The following CCT6A variants were observed in gnomAD, a reference collection of about 807,000 sequenced individuals.
CCT6A encodes T-complex protein 1 subunit zeta.
CCT6A carries 6 observed loss-of-function variants against 58.6 expected under a neutral mutation model. The ratio of observed to expected loss-of-function variants is 0.10; its 90% CI spans 0.06 to 0.20. CCT6A has a LOEUF of 0.20. Ranked by LOEUF, CCT6A falls within the 10% of genes least tolerant of loss-of-function variation. CCT6A has a pLI of 1.00. For synonymous variants in CCT6A, 245 were observed against 227.8 expected (o/e 1.08, Z -0.68); for missense variants, 516 against 648.8 (o/e 0.80, Z 2.22).
Position 56,054,361 on chromosome 7 carries a change from A to G in CCT6A, c.202-8A>G. On this transcript the variant is annotated splice_polypyrimidine_tract_variant and splice_region_variant and intron_variant, in intron 2 of 13. Transcript: ENST00000275603. Reference sequence around the variant, plus strand: ...GTTTTAAGTGATTCATTCTTTTTCTACTTACAGCAAATTCAACACCCAACA... The same window carrying G: ...GTTTTAAGTGATTCATTCTTTTTCTGCTTACAGCAAATTCAACACCCAACA... 4 of 1,595,664 alleles carry G rather than the reference A, an allele frequency of 2.5e-6. No individual in the cohort carries two copies. The highest frequency in any genetic ancestry group is 3.4e-6 in the Non-Finnish European group (4 of 1,165,904).
Position 56,060,328 on chromosome 7 carries a change from G to T in CCT6A, c.1125G>T (p.Leu375Phe). 1 of 1,613,664 alleles carries T rather than the reference G, an allele frequency of 6.2e-7. No individual in the cohort carries two copies. Among genetic ancestry groups the T allele is most frequent in the South Asian group, 1.1e-5 (1 of 91,062 alleles). Residue 375 changes from leucine (L) to phenylalanine (F), a missense_variant, in exon 10 of 14, where the codon TTG (leucine) becomes TTT (phenylalanine). By Grantham distance (22) the Leu-to-Phe change is conservative. Coordinates refer to ENST00000275603, the MANE Select transcript of CCT6A (RefSeq NM_001762.4). ...KCNNPRSVTL[L>F]IKGPNKHTLT... ...ACAACCCTCGTTCTGTCACATTATTGATCAAAGGACCAAATAAGCACACAC... is the reference window on the plus strand; with the variant it reads ...ACAACCCTCGTTCTGTCACATTATTTATCAAAGGACCAAATAAGCACACAC...
intron 6 of CCT6A, 124 bp downstream of exon 6, chr7:56,058,227 A>T: frequency 1.2e-6 from 1 of 862,470 alleles, no homozygotes; most frequent in East Asian, 2.6e-5. Context: ...GGGGAGCTAT[A>T]GGAAACAGTC....
At position 56,058,431 on chromosome 7, in the gene CCT6A, A is replaced by G. The variant is rs1794360902; in HGVS notation, c.795A>G (p.Lys265=). The G allele has an allele frequency of 8.1e-6, 13 of 1,604,984 alleles. No homozygotes were observed. The East Asian group carries it at 2.9e-4, about 36-fold the overall frequency. ...AAAAACTCGTGAAAGCTGAAAGAAAATTCATTGAAGATAGGGTTAAAAAAA... is the reference window on the plus strand; with the variant it reads ...AAAAACTCGTGAAAGCTGAAAGAAAGTTCATTGAAGATAGGGTTAAAAAAA... ...EREKLVKAER[K]FIEDRVKKII... is the part of the protein sequence containing the mutation. The change falls in exon 7 of 14, where the codon AAA becomes AAG. Residue 265 remains lysine, a synonymous_variant. Transcript: ENST00000275603.
Position 56,056,503 on chromosome 7 carries a change from A to T in CCT6A, c.614+89A>T. The T allele has an allele frequency of 6.8e-6, 5 of 734,170 alleles. 1 individual carries two copies. In the South Asian group the frequency reaches 7.4e-5, roughly 11 times the overall value. 45.5% of individuals were successfully genotyped at this position (734,170 alleles called of 1,614,324 possible). A position where few individuals can be genotyped will look rare whatever the true frequency, so the allele number is the denominator to read the frequency against. ...TTTGGGAGGCTGTGGTGGGCAAATCACCTCAGGTCAGGAGTTCCAGACCAG... is the reference window on the plus strand; with the variant it reads ...TTTGGGAGGCTGTGGTGGGCAAATCTCCTCAGGTCAGGAGTTCCAGACCAG... On this transcript the variant is annotated intron_variant, in intron 5 of 13. Coordinates refer to ENST00000275603, the MANE Select transcript of CCT6A (RefSeq NM_001762.4).
chr7:56,053,927 A>G (rs762513977), intron 2 of CCT6A, among the ~76,000 whole-genome samples: 5 of 152,090 alleles, frequency 3.3e-5, no homozygotes, highest in Non-Finnish European at 5.9e-5. Context: ...TCCCATTGGA[A>G]CCTCTCTCCA....
intron 2 of CCT6A, among the ~76,000 whole-genome samples, chr7:56,053,076 C>T (rs973848517): frequency 1.3e-5 from 2 of 152,088 alleles, no homozygotes; most frequent in African/African-American, 2.4e-5. Context: ...TTACCAGGCC[C>T]GTGCCCAGCT....
rs1290188690 is a variant in CCT6A at position 56,056,345 on chromosome 7, A to G, written c.545A>G (p.Gln182Arg). 4 of 1,600,690 alleles carry G rather than the reference A, an allele frequency of 2.5e-6. No individual in the cohort carries two copies. In the African/African-American group the frequency reaches 4.0e-5, roughly 16 times the overall value. ...GACTCCATTTTGGCCATTAAAAAGC[A>G]AGATGAACCTATTGATCTCTTCATG... ...VVDSILAIKK[Q>R]DEPIDLFMIE... The change falls in exon 5 of 14, where the codon CAA (glutamine) becomes CGA (arginine). Residue 182 changes from glutamine (Q) to arginine (R), a missense_variant. Gln to Arg is a conservative substitution (Grantham distance 43). This residue lies in a region of CCT6A where 85 missense variants were observed against 74.9 expected (regional missense o/e 1.13). Coordinates refer to ENST00000275603, the MANE Select transcript of CCT6A (RefSeq NM_001762.4).
chr7:56,058,668 G>T lies in CCT6A; in HGVS notation c.934G>T (p.Ala312Ser), dbSNP rs753349250. ...TGCTCTTTCAAAAGAAGGCATAGTTGCTCTGCGCAGAGCTAAAAGGAGAAA... is the reference window on the plus strand; with the variant it reads ...TGCTCTTTCAAAAGAAGGCATAGTTTCTCTGCGCAGAGCTAAAAGGAGAAA... ...LDALSKEGIV[A>S]LRRAKRRNME... The change falls in exon 8 of 14, where the codon GCT becomes TCT. Residue 312 changes from alanine (A) to serine (S), a missense_variant. Physicochemically the swap from Ala to Ser is moderately conservative, Grantham distance 99 (BLOSUM62 1). Around this residue, in one of 3 missense-constraint regions of CCT6A, gnomAD observed 315 missense variants for 389.4 expected, o/e 0.81. Coordinates refer to ENST00000275603, the MANE Select transcript of CCT6A (RefSeq NM_001762.4). 4 of 1,600,682 alleles carry T rather than the reference G, an allele frequency of 2.5e-6. No individual in the cohort carries two copies. The highest frequency in any genetic ancestry group is 1.1e-5 in the South Asian group (1 of 90,616).
chr7:56,058,587 A>T, intron 7 of CCT6A, 33 bp from the exon 8 acceptor site: 1 of 1,583,240 alleles, frequency 6.3e-7, no homozygotes, highest in Non-Finnish European at 8.6e-7. Flanking sequence ...TTAAGGTGAA[A>T]GATGTTGAAA....
At chr7:56,059,457 A>C in intron 8 of CCT6A, 87 bp from the exon 9 acceptor site, 2 of 763,980 alleles carry the variant, frequency 2.6e-6, no homozygotes, top group South Asian at 2.9e-5. Context: ...TGTAATTCTG[A>C]AAAATTCCTT....
chr7:56,055,783 G>A lies in CCT6A; in HGVS notation c.496G>A (p.Asp166Asn), dbSNP rs751493247. Residue 166 changes from aspartate to asparagine, a missense_variant, in exon 4 of 14, where the codon GAT (aspartate) becomes AAT (asparagine). Coordinates refer to ENST00000275603, the MANE Select transcript of CCT6A (RefSeq NM_001762.4). ...LRTKVHAELA[D>N]VLTEAVVDSI... ...TACTAAAGTTCATGCTGAACTTGCA[G>A]ATGTCTTAACAGAGGTATGTATTAA... The A allele has an allele frequency of 3.7e-6, 6 of 1,613,362 alleles. No individual in the cohort carries two copies. In the South Asian group the frequency reaches 4.4e-5, roughly 12 times the overall value.
intron 12 of CCT6A, chr7:56,062,144 A>G: frequency 4.0e-6 from 1 of 249,624 alleles, no homozygotes. Flanking sequence ...TCAGTTTTTA[A>G]TCAAGTACTA....
chr7:56,053,788 T>G (rs1173424635), intron 2 of CCT6A, among the ~76,000 whole-genome samples: 2 of 152,120 alleles, frequency 1.3e-5, no homozygotes, highest in African/African-American at 2.4e-5. Flanking sequence ...TGGGTTTTAG[T>G]GTGTGAGAAA....
intron 9 of CCT6A, 138 bp downstream of exon 9, chr7:56,059,778 TC>T (rs1341409387): frequency 1.7e-6 from 1 of 577,774 alleles, no homozygotes; most frequent in African/African-American, 1.9e-5. Flanking sequence ...AGCCTCATCT[TC>T]CTGGGTTCAA....
Position 56,052,596 on chromosome 7 carries a change from G to A in CCT6A, c.201+111G>A, listed in dbSNP as rs187674432. 5.9e-5 allele frequency: 55 copies of A among 928,178 alleles called. No individual in the cohort carries two copies. In the East Asian group the frequency reaches 1.2e-3, roughly 20 times the overall value. 57.5% of individuals were successfully genotyped at this position (928,178 alleles called of 1,614,324 possible). ...CAAGGTAGGAGAACATTCAGAAGTG[G>A]CGTGTAATCAGTAATAGTCCTGAGT... On this transcript the variant is annotated intron_variant, in intron 2 of 13. Transcript: ENST00000275603.
At chr7:56,061,963 C>T in intron 12 of CCT6A, 114 bp downstream of exon 12, 1 of 557,292 alleles carries the variant, frequency 1.8e-6, no homozygotes, top group Non-Finnish European at 3.2e-6. Flanking sequence ...TGTTAGGGAA[C>T]TCTGGGTTCT....
chr7:56,055,040 G>A (rs1270184934), intron 3 of CCT6A, among the ~76,000 whole-genome samples: 6 of 152,162 alleles, frequency 3.9e-5, no homozygotes, highest in Admixed American at 3.9e-4. Flanking sequence ...TTGAGAGGCC[G>A]AGGTGGGCGG....
intron 5 of CCT6A, among the ~76,000 whole-genome samples, chr7:56,057,134 T>TA (rs1178861443): frequency 1.1e-4 from 16 of 152,120 alleles, no homozygotes; most frequent in Non-Finnish European, 2.1e-4. Context: ...TACCTGAAGA[T>TA]ATAAGTTGGA....
At position 56,054,555 on chromosome 7, in the gene CCT6A, GAT is replaced by G. The variant is rs547163708; in HGVS notation, c.336+55_336+56del. The G allele has an allele frequency of 9.9e-4, 1,525 of 1,544,100 alleles. 18 individuals are homozygous for G. The African/African-American group carries it at 0.018, about 18-fold the overall frequency. Reference sequence around the variant, plus strand: ...TTTTTTTTGTATATAGGAAGTGTCTGATATTTATACAAATTGATGTGCTGTTA... The same window carrying G: ...TTTTTTTTGTATATAGGAAGTGTCTGATTTATACAAATTGATGTGCTGTTA... On this transcript the variant is annotated intron_variant, in intron 3 of 13. Coordinates refer to ENST00000275603, the MANE Select transcript of CCT6A (RefSeq NM_001762.4).
Sources: gnomAD v4.1 joint callset for allele counts (sites outside exome capture counted in the v4.1 genomes callset) on GRCh38, gnomAD v4.1.1 for gene constraint, gnomAD v4.1.1 regional missense constraint, MANE v1.5 for transcripts, NCBI Gene and HGNC (gene_info 2026-07-23, HGNC 2026-07-21) for gene names.